Variants in COL23A1 observed in about 807,000 individuals in gnomAD.
The protein encoded by COL23A1 is collagen alpha-1(XXIII) chain.
In COL23A1, 97 loss-of-function variants were observed where a neutral mutation model predicts 99.3. The ratio of observed to expected loss-of-function variants is 0.98; its 90% CI spans 0.83 to 1.16. The LOEUF (loss-of-function observed/expected upper bound fraction) is 1.16. Among genes scored for constraint, COL23A1 ranks in the 50% most tolerant of loss-of-function variants. COL23A1 has a pLI of 0.00. For missense variants in COL23A1, 762 were observed against 757.4 expected (o/e 1.01, Z -0.07); for synonymous variants, 320 against 308.2 (o/e 1.04, Z -0.40).
Position 178,252,575 on chromosome 5 carries a change from G to T in COL23A1, c.983C>A (p.Pro328His). Residue 328 changes from proline (P) to histidine (H), a missense_variant, in exon 17 of 29, where the codon CCC (proline) becomes CAC (histidine). Coordinates refer to ENST00000390654, the MANE Select transcript of COL23A1 (RefSeq NM_173465.4). ...ALKGPPGPQGPPGPPGIPGAK... is the reference protein window; with the variant it reads ...ALKGPPGPQGHPGPPGIPGAK... ...TCCAGGGATCCCTGGTGGCCCTGGGGGCCCCTGTGGTCCGGGAGGCCCCTG... is the reference window on the plus strand; with the variant it reads ...TCCAGGGATCCCTGGTGGCCCTGGGTGCCCCTGTGGTCCGGGAGGCCCCTG... 1 of 1,611,662 alleles carries T rather than the reference G, an allele frequency of 6.2e-7. No individual in the cohort carries two copies. Among genetic ancestry groups the T allele is most frequent in the Admixed American group, 1.7e-5 (1 of 59,730 alleles).
chr5:178,278,329 C>G (rs1312951010), intron 5 of COL23A1, among the ~76,000 whole-genome samples: 1 of 152,046 alleles, frequency 6.6e-6, no homozygotes, highest in Non-Finnish European at 1.5e-5. Flanking sequence ...GTGGGGTGGG[C>G]CCTCCTTGGT....
In COL23A1 at chr5:178,423,337, A is replaced by G. The variant is rs117015265; in HGVS notation, c.362-116418T>C. On this transcript the variant is annotated intron_variant, in intron 2 of 28. Transcript: ENST00000390654. ...GGCTAGTGATATTCAGCACAATACT[A>G]TCTGGTAATCCTGGCAGCAGGAGGA... is the stretch of plus-strand genomic sequence containing the variant. Among the ~76,000 whole-genome samples, 13 of 152,210 alleles carry G rather than the reference A, an allele frequency of 8.5e-5. No individual in the cohort carries two copies. The East Asian group carries it at 2.5e-3, about 29-fold the overall frequency.
Position 178,288,347 on chromosome 5 carries a change from G to T in COL23A1, c.418C>A (p.Gln140Lys). Residue 140 changes from glutamine (Q) to lysine (K), a missense_variant, in exon 5 of 29, where the codon CAA (glutamine) becomes AAA (lysine). By Grantham distance (53) the Gln-to-Lys change is moderately conservative. Coordinates refer to ENST00000390654, the MANE Select transcript of COL23A1 (RefSeq NM_173465.4). Reference protein sequence around the residue: ...GRRGDPGPPGQSGRDGYPGPL... With the variant: ...GRRGDPGPPGKSGRDGYPGPL... ...ACCGGGTAGCCATCTCGTCCTGATT[G>T]CCCCTGTGGTAATTAATATGTCATT... 1 of 1,611,598 alleles carries T rather than the reference G, an allele frequency of 6.2e-7. No homozygotes were observed. Among genetic ancestry groups the T allele is most frequent in the Non-Finnish European group, 8.5e-7 (1 of 1,177,614 alleles).
intron 2 of COL23A1, among the ~76,000 whole-genome samples, chr5:178,404,058 C>A (rs549740931): frequency 6.6e-6 from 1 of 152,326 alleles, no homozygotes; most frequent in African/African-American, 2.4e-5. Flanking sequence ...GTCTCCTGCA[C>A]CCCATGTCTC....
Position 178,590,375 on chromosome 5 carries a change from C to T in COL23A1, c.-178G>A. The T allele has an allele frequency of 4.4e-6, 2 of 450,970 alleles. No homozygotes were observed. The highest frequency in any genetic ancestry group is 6.7e-6 in the Non-Finnish European group (2 of 297,784). The allele number at this position is 450,970 out of a possible 1,614,324, so 27.9% of individuals were successfully genotyped here. A position where few individuals can be genotyped will look rare whatever the true frequency, so the allele number is the denominator to read the frequency against. On this transcript the variant is annotated 5_prime_UTR_variant, in exon 1 of 29. Coordinates refer to ENST00000390654, the MANE Select transcript of COL23A1 (RefSeq NM_173465.4). This position sits in a 1 kb window ranked among gnomAD's most constrained non-coding sequence, Gnocchi z 5.7. The stretch of plus-strand genomic sequence containing the variant: ...TTCGCCGCAGCCAGCTCCTCCACAG[C>T]GGCCACTTTGGGCAGTTTCCTCTAT...
chr5:178,542,087 A>C (rs959354957), intron 2 of COL23A1, among the ~76,000 whole-genome samples: 2 of 152,236 alleles, frequency 1.3e-5, no homozygotes, highest in Middle Eastern at 6.8e-3. Context: ...GCAGTGGCAC[A>C]ATCTTGGCTC....
At chr5:178,322,390 C>T (rs1759376297) in intron 2 of COL23A1, among the ~76,000 whole-genome samples, 1 of 152,220 alleles carries the variant, frequency 6.6e-6, no homozygotes, top group African/African-American at 2.4e-5. Context: ...CTGCCTTGGT[C>T]TCCCAAAGTG....
chr5:178,447,766 C>A (rs965990565), intron 2 of COL23A1, among the ~76,000 whole-genome samples: 5 of 152,064 alleles, frequency 3.3e-5, no homozygotes, highest in African/African-American at 4.8e-5. Flanking sequence ...TAAATTAGAC[C>A]GCAAGATGGA....
chr5:178,240,784 C>T (rs1764353242), intron 27 of COL23A1, among the ~76,000 whole-genome samples: 1 of 152,368 alleles, frequency 6.6e-6, no homozygotes, highest in South Asian at 2.1e-4. Context: ...CTAACTCTGG[C>T]ACCGCTGGAG....
chr5:178,398,328 T>C lies in COL23A1; in HGVS notation c.362-91409A>G, dbSNP rs1282615102. Among the ~76,000 whole-genome samples the C allele has an allele frequency of 5.9e-5, 9 of 152,288 alleles. No homozygotes were observed. In the South Asian group the frequency reaches 1.9e-3, roughly 32 times the overall value. ...AAAGAGAAAAAATTATTCTTTTTTT[T>C]ATTTAAAAAAATTCTCAGCTGGGCA... On this transcript the variant is annotated intron_variant, in intron 2 of 28. Coordinates refer to ENST00000390654, the MANE Select transcript of COL23A1 (RefSeq NM_173465.4).
chr5:178,357,118 C>T (rs1407376680), intron 2 of COL23A1, among the ~76,000 whole-genome samples: 1 of 152,236 alleles, frequency 6.6e-6, no homozygotes, highest in Admixed American at 6.5e-5. Flanking sequence ...TTCTCCTGTT[C>T]CCTTCTGTTC....
chr5:178,543,283 T>C (rs1761396367), intron 2 of COL23A1, among the ~76,000 whole-genome samples: 1 of 152,084 alleles, frequency 6.6e-6, no homozygotes, highest in South Asian at 2.1e-4. Context: ...AATTTTGTAT[T>C]TTTAGTAGAG....
At chr5:178,242,917 C>G (rs1174313158) in intron 25 of COL23A1, among the ~76,000 whole-genome samples, 1 of 152,172 alleles carries the variant, frequency 6.6e-6, no homozygotes, top group African/African-American at 2.4e-5. Context: ...TTCATTGTGG[C>G]CGGGCATGGT....
At chr5:178,253,977 A>C (rs903553918) in intron 16 of COL23A1, among the ~76,000 whole-genome samples, 7 of 151,540 alleles carry the variant, frequency 4.6e-5, no homozygotes, top group Middle Eastern at 3.2e-3. Flanking sequence ...CAGCCCGGCC[A>C]ACATGGTGAA....
At chr5:178,552,289 A>T (rs1024726222) in intron 2 of COL23A1, among the ~76,000 whole-genome samples, 5 of 152,160 alleles carry the variant, frequency 3.3e-5, no homozygotes, top group Non-Finnish European at 7.3e-5. Flanking sequence ...ATAGGGTAGG[A>T]GAGACGAATG....
At chr5:178,246,059 G>A (rs1291762870) in intron 24 of COL23A1, 91 bp from the exon 25 acceptor site, 1 of 1,483,822 alleles carries the variant, frequency 6.7e-7, no homozygotes, top group African/African-American at 1.4e-5. Context: ...GTTGGCCACA[G>A]ACATGGGGGC....
At chr5:178,407,967 G>T (rs1764850842) in intron 2 of COL23A1, among the ~76,000 whole-genome samples, 1 of 152,054 alleles carries the variant, frequency 6.6e-6, no homozygotes, top group African/African-American at 2.4e-5. Context: ...CAAAGACCTG[G>T]GCCTACCAAT....
chr5:178,320,641 G>T (rs1056434074), intron 2 of COL23A1, among the ~76,000 whole-genome samples: 1 of 152,196 alleles, frequency 6.6e-6, no homozygotes, highest in Non-Finnish European at 1.5e-5. Flanking sequence ...TACAAGGCCC[G>T]CCCAGTTCCC....
Position 178,257,729 on chromosome 5 carries a change from G to A in COL23A1, c.730-162C>T, listed in dbSNP as rs550457611. ...CCCTCCTTGCCCCTCCAGGGCAGGT[G>A]TGGGGTCAGACCCATCTCTGTGTGT... On this transcript the variant is annotated intron_variant, in intron 12 of 28. Coordinates refer to ENST00000390654, the MANE Select transcript of COL23A1 (RefSeq NM_173465.4). Among the ~76,000 whole-genome samples the A allele has an allele frequency of 5.3e-5, 8 of 152,360 alleles. No homozygotes were observed. In the South Asian group the frequency reaches 1.7e-3, roughly 32 times the overall value.
Sources: allele counts gnomAD v4.1 joint callset (sites outside exome capture counted in the v4.1 genomes callset), GRCh38; gene constraint gnomAD v4.1.1; non-coding constraint Gnocchi (gnomAD v3.1); transcripts MANE v1.5; gene names NCBI Gene and HGNC (gene_info 2026-07-23, HGNC 2026-07-21).